Variants in CHSY1 observed in about 807,000 individuals in gnomAD.
The protein encoded by CHSY1 is N-acetylgalactosaminyl-proteoglycan 3-beta-glucuronosyltransferase 1.
CHSY1 carries 13 observed loss-of-function variants against 59.8 expected under a neutral mutation model. The ratio of observed to expected loss-of-function variants is 0.22; its 90% confidence interval spans 0.14 to 0.35. The LOEUF is 0.35. Among genes scored for constraint, CHSY1 ranks in the 10% least tolerant of loss-of-function variants. The pLI is 1.00. For missense variants in CHSY1, 947 were observed against 1,030.6 expected, an observed-to-expected ratio of 0.92 and a Z score of 1.11; for synonymous variants, 459 against 401.2, an observed-to-expected ratio of 1.14 and a Z score of -1.72.
chr15:101,231,614 T>C (rs923179332), intron 2 of CHSY1, among the ~76,000 whole-genome samples: 2 of 152,162 alleles, frequency 1.3e-5, no homozygotes, highest in Non-Finnish European at 2.9e-5. Flanking sequence ...TAGTCAAATA[T>C]GAGAAAATAA....
intron 2 of CHSY1, among the ~76,000 whole-genome samples, chr15:101,214,874 T>C (rs1048970997): frequency 6.7e-6 from 1 of 148,618 alleles, no homozygotes; most frequent in African/African-American, 2.5e-5. Context: ...TTCTCATGCA[T>C]AGGTGGGAGG....
chr15:101,246,523 A>G (rs374108649), intron 1 of CHSY1, among the ~76,000 whole-genome samples: 5 of 152,208 alleles, frequency 3.3e-5, no homozygotes, highest in African/African-American at 1.2e-4. Flanking sequence ...AATAATTTCA[A>G]TGGGTGGTAC....
chr15:101,199,221 C>T (rs142052331), intron 2 of CHSY1, among the ~76,000 whole-genome samples: 331 of 152,222 alleles, frequency 2.2e-3, no homozygotes, highest in Middle Eastern at 0.01. Context: ...AACATCACTG[C>T]GGCCGGGCGC....
chr15:101,192,853 C>G (rs758696595), intron 2 of CHSY1, among the ~76,000 whole-genome samples: 11 of 152,194 alleles, frequency 7.2e-5, no homozygotes, highest in Non-Finnish European at 1.5e-4. Flanking sequence ...TAGCTAAACT[C>G]TAGGCAACAT....
intron 2 of CHSY1, among the ~76,000 whole-genome samples, chr15:101,198,667 C>T (rs2038535209): frequency 6.6e-6 from 1 of 152,214 alleles, no homozygotes. Flanking sequence ...GAGGAAACAG[C>T]AGTCGTAGTA....
In CHSY1 at chr15:101,178,759, G is replaced by A. The variant is rs1284100313; in HGVS notation, c.1038C>T (p.Asn346=). Residue 346 remains asparagine (N), a synonymous_variant, in exon 3 of 3, where the codon AAC becomes AAT. Coordinates refer to ENST00000254190, the MANE Select transcript of CHSY1 (RefSeq NM_014918.5). ...REIVLMSKYS[N]TEIHKEDLQL... ...GGAGGTCCTCTTTATGAATTTCTGTGTTGCTGTATTTGCTCATCAGGACAA... is the reference window on the plus strand; with the variant it reads ...GGAGGTCCTCTTTATGAATTTCTGTATTGCTGTATTTGCTCATCAGGACAA... The A allele has an allele frequency of 6.2e-7, 1 of 1,614,210 alleles. No homozygotes were observed. Among genetic ancestry groups the A allele is most frequent in the Non-Finnish European group, 8.5e-7 (1 of 1,180,042 alleles).
intron 1 of CHSY1, among the ~76,000 whole-genome samples, chr15:101,250,219 G>A (rs886323366): frequency 6.6e-6 from 1 of 152,168 alleles, no homozygotes; most frequent in Non-Finnish European, 1.5e-5. Context: ...TTGCTCTGTG[G>A]CTGGATAAGA....
At chr15:101,180,853 G>A (rs982788252) in intron 2 of CHSY1, among the ~76,000 whole-genome samples, 4 of 152,204 alleles carry the variant, frequency 2.6e-5, no homozygotes, top group Non-Finnish European at 5.9e-5. Flanking sequence ...GAAGCCTGAT[G>A]CACTTCCTGC....
rs374959506 is a variant in CHSY1 at position 101,235,206 on chromosome 15, A to G, written c.692T>C (p.Val231Ala). 6.2e-7 allele frequency: 1 copy of G among 1,613,422 alleles called. No individual in the cohort carries two copies. Among genetic ancestry groups the G allele is most frequent in the Non-Finnish European group, 8.5e-7 (1 of 1,179,722 alleles). Residue 231 changes from valine (V) to alanine (A), a missense_variant, in exon 2 of 3, where the codon GTG becomes GCG. Transcript: ENST00000254190. ...GGPGVIMSRE[V>A]LRRMVPHIGK... ...AATGTGCGGCACCATTCTCCGAAGC[A>G]CCTCCCGGCTCATGATCACGCCAGG... is the stretch of plus-strand genomic sequence containing the variant.
At chr15:101,251,094 G>A (rs1039513462) in intron 1 of CHSY1, 43 bp downstream of exon 1, 10 of 1,525,602 alleles carry the variant, frequency 6.6e-6, no homozygotes, top group Non-Finnish European at 8.8e-6. Flanking sequence ...CGGCCGCCGG[G>A]ATGCCGGACG....
In CHSY1 at chr15:101,234,821, G is replaced by C. The variant is rs8040007; in HGVS notation, c.816+261C>G. Among the ~76,000 whole-genome samples the C allele has an allele frequency of 0.31, 47,809 of 152,006 alleles. 10,193 individuals carry two copies. The highest frequency in any genetic ancestry group is 0.61 in the African/African-American group (25,401 of 41,398). On this transcript the variant is annotated intron_variant, in intron 2 of 2. Coordinates refer to ENST00000254190, the MANE Select transcript of CHSY1 (RefSeq NM_014918.5). ...GGCGGAGGTTAAAGTGAGCCGAGATGGCGCCACTGCACTCCAGCCTGGGAG... is the reference window on the plus strand; with the variant it reads ...GGCGGAGGTTAAAGTGAGCCGAGATCGCGCCACTGCACTCCAGCCTGGGAG...
At chr15:101,188,130 A>C in intron 2 of CHSY1, 1 of 985,446 alleles carries the variant, frequency 1.0e-6, no homozygotes, top group Non-Finnish European at 1.2e-6. Context: ...TCAGCTACAG[A>C]CCATCACTGC....
chr15:101,235,665 G>T, intron 1 of CHSY1, 88 bp from the exon 2 acceptor site: 1 of 1,415,466 alleles, frequency 7.1e-7, no homozygotes, highest in Non-Finnish European at 9.8e-7. Flanking sequence ...TTGTATCGCC[G>T]TGTTCAATGG....
chr15:101,240,469 G>A (rs564129314), intron 1 of CHSY1, among the ~76,000 whole-genome samples: 2 of 152,270 alleles, frequency 1.3e-5, no homozygotes, highest in East Asian at 1.9e-4. Context: ...ATGACAAAAC[G>A]TTTGCAGAGG....
chr15:101,234,087 A>G (rs1454284013), intron 2 of CHSY1, among the ~76,000 whole-genome samples: 1 of 152,198 alleles, frequency 6.6e-6, no homozygotes, highest in Non-Finnish European at 1.5e-5. Flanking sequence ...TGCAGCAACA[A>G]CACAGGAAAG....
intron 2 of CHSY1, 145 bp downstream of exon 2, chr15:101,234,937 T>C: frequency 9.4e-7 from 1 of 1,065,368 alleles, no homozygotes; most frequent in Non-Finnish European, 1.4e-6. Context: ...TGAATTTTTT[T>C]TTTAATCTAA....
Position 101,189,387 on chromosome 15 carries a change from A to C in CHSY1, c.817-10407T>G, listed in dbSNP as rs1287022628. The C allele has an allele frequency of 3.1e-6, 3 of 963,982 alleles. No homozygotes were observed. The African/African-American group carries it at 5.3e-5, about 17-fold the overall frequency. 59.7% of individuals were successfully genotyped at this position (963,982 alleles called of 1,614,324 possible). A position where few individuals can be genotyped will look rare whatever the true frequency, so the allele number is the denominator to read the frequency against. On this transcript the variant is annotated intron_variant, in intron 2 of 2. Coordinates refer to ENST00000254190, the MANE Select transcript of CHSY1 (RefSeq NM_014918.5). ...AAGCTCTAGTCTAGGGGACTGCCAA[A>C]GCACAAACTAAATCAAAAATAAAAT...
At chr15:101,229,413 C>T (rs7171515) in intron 2 of CHSY1, among the ~76,000 whole-genome samples, 69,033 of 151,902 alleles carry the variant, frequency 0.45, 17,550 homozygotes, top group African/African-American at 0.7. Flanking sequence ...CTGGAGTCAT[C>T]ATACTAATAT....
At chr15:101,229,784 G>A (rs1028923599) in intron 2 of CHSY1, among the ~76,000 whole-genome samples, 2 of 151,934 alleles carry the variant, frequency 1.3e-5, no homozygotes, top group African/African-American at 4.8e-5. Context: ...GCATACTCCT[G>A]TAATCCCAGG....
Sources: allele counts gnomAD v4.1 joint callset (sites outside exome capture counted in the v4.1 genomes callset), GRCh38; gene constraint gnomAD v4.1.1; transcripts MANE v1.5; gene names NCBI Gene and HGNC (gene_info 2026-07-23, HGNC 2026-07-21).